The following COL5A2 variants were observed in gnomAD, a reference collection of about 807,000 sequenced individuals.
COL5A2 encodes the protein collagen alpha-2(V) chain.
In COL5A2, 23 loss-of-function variants were observed where a neutral mutation model predicts 208.2. The ratio of observed to expected loss-of-function variants is 0.11; its 90% CI spans 0.08 to 0.16. The LOEUF is 0.16. Among genes scored for constraint, COL5A2 ranks in the 10% least tolerant of loss-of-function variants. The probability of loss-of-function intolerance (pLI) is 1.00; values close to 1 mark genes in which losing one functional copy is unlikely to be tolerated. For synonymous variants in COL5A2, 625 were observed against 628.5 expected (o/e 0.99, Z 0.08); for missense variants, 1,590 against 1,956.4 (o/e 0.81, Z 3.53).
chr2:189,034,091 A>T lies in COL5A2; in HGVS notation c.4479T>A (p.Ile1493=). ...TACTTTACACAAAACAAACTGGCCCAATTTCAACGCCGAATTCCTGGTCTG... is the reference window on the plus strand; with the variant it reads ...TACTTTACACAAAACAAACTGGCCCTATTTCAACGCCGAATTCCTGGTCTG... ...GGTDQEFGVE[I]GPVCFV The change falls in exon 54 of 54, where the codon ATT becomes ATA. Residue 1493 remains isoleucine (I), a synonymous_variant. Transcript: ENST00000374866. 5 of 1,613,994 alleles carry T rather than the reference A, an allele frequency of 3.1e-6. No homozygotes were observed. The highest frequency in any genetic ancestry group is 4.2e-6 in the Non-Finnish European group (5 of 1,179,910).
the COL5A2 span, among the ~76,000 whole-genome samples, chr2:189,350,671 CG>C: frequency 1.3e-5 from 2 of 152,122 alleles, no homozygotes; most frequent in South Asian, 4.1e-4. Flanking sequence ...CACTTTCAGC[CG>C]GGCCAAGAGA....
In COL5A2 at chr2:189,110,221, T is replaced by C; in HGVS notation, c.322+4A>G. On this transcript the variant is annotated splice_donor_region_variant and intron_variant, in intron 2 of 53. Coordinates refer to ENST00000374866, the MANE Select transcript of COL5A2 (RefSeq NM_000393.5). ...AATTATGAGTTGGCCCTAAACATTC[T>C]TACCAAAATTGGTATTGCCACCTCC... 6.2e-7 allele frequency: 1 copy of C among 1,604,036 alleles called. No individual in the cohort carries two copies.
At chr2:189,181,110 G>A (rs553731128), upstream of COL5A2, among the ~76,000 whole-genome samples, 6 of 152,200 alleles carry the variant, frequency 3.9e-5, no homozygotes, top group Admixed American at 6.5e-5. Flanking sequence ...AAATATGTGA[G>A]GGATGCATTA....
At chr2:189,240,607 A>T in the COL5A2 span, among the ~76,000 whole-genome samples, 4 of 152,104 alleles carry the variant, frequency 2.6e-5, no homozygotes, top group African/African-American at 9.7e-5. Flanking sequence ...TCAGTGTTTT[A>T]TGTCTTGACT....
chr2:189,378,451 G>A, the COL5A2 span, among the ~76,000 whole-genome samples: 10 of 152,146 alleles, frequency 6.6e-5, no homozygotes, highest in African/African-American at 1.7e-4. Context: ...GCGGCCGGGC[G>A]CGGTGGCTCA....
intron 51 of COL5A2, among the ~76,000 whole-genome samples, chr2:189,037,775 A>G (rs1188649292): frequency 6.6e-6 from 1 of 152,204 alleles, no homozygotes; most frequent in Non-Finnish European, 1.5e-5. Context: ...ACATTAAACT[A>G]CATGAAAGGA....
the COL5A2 span, among the ~76,000 whole-genome samples, chr2:189,375,313 A>C: frequency 6.6e-6 from 1 of 152,152 alleles, no homozygotes; most frequent in African/African-American, 2.4e-5. Context: ...CACCACACCC[A>C]GCCTATATTT....
chr2:189,225,067 G>A (rs1214811845), intron 1 of COL5A2, among the ~76,000 whole-genome samples: 1 of 152,126 alleles, frequency 6.6e-6, no homozygotes, highest in African/African-American at 2.4e-5. Context: ...TTAACACAGA[G>A]ATATTATGGG....
At chr2:189,191,614 G>A (rs187646501) in intron 1 of COL5A2, among the ~76,000 whole-genome samples, 232 of 152,002 alleles carry the variant, frequency 1.5e-3, no homozygotes, top group African/African-American at 4.8e-3. Context: ...CCAAGATTGC[G>A]CTCCAGCCTG....
the COL5A2 span, among the ~76,000 whole-genome samples, chr2:189,396,371 A>T: frequency 4.6e-5 from 7 of 152,296 alleles, 1 homozygote; most frequent in East Asian, 1.4e-3. Context: ...ACCCTCATAG[A>T]AGTATAGTTA....
At position 189,033,880 on chromosome 2, in the gene COL5A2, T is replaced by G. The variant is rs1033477702; in HGVS notation, c.*190A>C. ...AAAAATATTTAAAATCAATTAAAACTTGAGGATTGTAAGTAAAATAAATAT... is the reference window on the plus strand; with the variant it reads ...AAAAATATTTAAAATCAATTAAAACGTGAGGATTGTAAGTAAAATAAATAT... On this transcript the variant is annotated 3_prime_UTR_variant, in exon 54 of 54. Transcript: ENST00000374866. 9.9e-6 allele frequency: 7 copies of G among 708,558 alleles called. No individual in the cohort carries two copies. The highest frequency in any genetic ancestry group is 8.9e-5 in the African/African-American group (5 of 55,982). The allele number at this position is 708,558 out of a possible 1,614,324, so 43.9% of individuals were successfully genotyped here. A position where few individuals can be genotyped will look rare whatever the true frequency, so the allele number is the denominator to read the frequency against.
At chr2:189,166,485 C>G (rs1003980597) in intron 1 of COL5A2, among the ~76,000 whole-genome samples, 1 of 152,136 alleles carries the variant, frequency 6.6e-6, no homozygotes, top group Non-Finnish European at 1.5e-5. Context: ...TACCATGGGG[C>G]AATTTTAGGG....
At chr2:189,378,116 A>G in the COL5A2 span, among the ~76,000 whole-genome samples, 1 of 152,172 alleles carries the variant, frequency 6.6e-6, no homozygotes, top group Non-Finnish European at 1.5e-5. Flanking sequence ...CACTTTAATC[A>G]TTGTAATAAG....
intron 2 of COL5A2, among the ~76,000 whole-genome samples, chr2:189,108,467 G>C (rs1450690994): frequency 6.6e-6 from 1 of 151,838 alleles, no homozygotes; most frequent in East Asian, 1.9e-4. Flanking sequence ...GGAGAAATTT[G>C]TGACCAGTCT....
At chr2:189,173,643 A>T (rs996017930) in intron 1 of COL5A2, among the ~76,000 whole-genome samples, 6 of 152,206 alleles carry the variant, frequency 3.9e-5, no homozygotes, top group African/African-American at 1.4e-4. Flanking sequence ...TGATAATTTC[A>T]TTCAGACTCC....
At chr2:189,153,588 G>A (rs1688187546) in intron 1 of COL5A2, among the ~76,000 whole-genome samples, 1 of 152,166 alleles carries the variant, frequency 6.6e-6, no homozygotes, top group African/African-American at 2.4e-5. Flanking sequence ...AAGTGTAAGT[G>A]GGGTGCACAG....
chr2:189,346,989 T>C, the COL5A2 span, among the ~76,000 whole-genome samples: 1 of 152,140 alleles, frequency 6.6e-6, no homozygotes, highest in East Asian at 1.9e-4. Flanking sequence ...CCAGCAAGAA[T>C]AAAACAAATT....
At chr2:189,154,833 T>G (rs1688213750) in intron 1 of COL5A2, among the ~76,000 whole-genome samples, 1 of 152,146 alleles carries the variant, frequency 6.6e-6, no homozygotes, top group African/African-American at 2.4e-5. Flanking sequence ...CTCCATTATA[T>G]TCACTTTTGT....
intron 1 of COL5A2, among the ~76,000 whole-genome samples, chr2:189,144,376 A>ACAAT (rs994278457): frequency 1.6e-4 from 24 of 152,188 alleles, no homozygotes; most frequent in African/African-American, 5.5e-4. Flanking sequence ...GGGGAGAAAA[A>ACAAT]CAATCAGTGC....
Sources: allele counts gnomAD v4.1 joint callset (sites outside exome capture counted in the v4.1 genomes callset), GRCh38; gene constraint gnomAD v4.1.1; transcripts MANE v1.5; gene names NCBI Gene and HGNC (gene_info 2026-07-23, HGNC 2026-07-21).